GPR158: variants seen among roughly 807,000 people sequenced by gnomAD.
GPR158 encodes metabotropic glycine receptor.
Under a neutral mutation model 78.2 loss-of-function variants are expected in GPR158, and 30 were observed. The observed-to-expected ratio is 0.38, with a 90% CI of 0.29 to 0.52. The LOEUF is 0.52. Ranked by LOEUF, GPR158 falls within the 20% of genes least tolerant of loss-of-function variation. The pLI is 0.83. For missense variants in GPR158, 1,463 were observed against 1,523.5 expected (o/e 0.96, Z 0.66); for synonymous variants, 581 against 591.1 (o/e 0.98, Z 0.25).
intron 2 of GPR158, among the ~76,000 whole-genome samples, chr10:25,370,311 A>G (rs1833968496): frequency 6.8e-6 from 1 of 147,792 alleles, no homozygotes; most frequent in African/African-American, 2.5e-5. Context: ...ATTTAGTGCT[A>G]TAAATTTCCC....
At chr10:25,368,381 T>C (rs1833930473) in intron 2 of GPR158, among the ~76,000 whole-genome samples, 1 of 151,772 alleles carries the variant, frequency 6.6e-6, no homozygotes, top group African/African-American at 2.4e-5. Context: ...CTATGAGAAA[T>C]TTGTAAGAAA....
chr10:25,263,908 G>C (rs1854004037), intron 2 of GPR158, among the ~76,000 whole-genome samples: 1 of 152,200 alleles, frequency 6.6e-6, no homozygotes, highest in Non-Finnish European at 1.5e-5. Flanking sequence ...CTGCACTCCA[G>C]CCTCAGCGAC....
intron 2 of GPR158, among the ~76,000 whole-genome samples, chr10:25,273,829 G>A (rs867848085): frequency 2.6e-4 from 39 of 151,812 alleles, no homozygotes; most frequent in African/African-American, 9.2e-4. Context: ...ATAGATGCGC[G>A]CCACCACACC....
intron 1 of GPR158, among the ~76,000 whole-genome samples, chr10:25,214,363 ATT>A (rs1853177478): frequency 6.6e-6 from 1 of 152,196 alleles, no homozygotes; most frequent in African/African-American, 2.4e-5. Flanking sequence ...TTTTAAAGCT[ATT>A]TTAAAATACT....
chr10:25,559,972 C>T (rs941364459), intron 6 of GPR158, among the ~76,000 whole-genome samples: 4 of 151,990 alleles, frequency 2.6e-5, no homozygotes, highest in Non-Finnish European at 5.9e-5. Context: ...TAGTGGTGTG[C>T]GAAGGGAAAA....
chr10:25,424,625 T>A (rs1278216100), intron 4 of GPR158, among the ~76,000 whole-genome samples: 139 of 151,476 alleles, frequency 9.2e-4, no homozygotes, highest in Non-Finnish European at 1.5e-3. Context: ...TCCCAGCACC[T>A]TTTATTAAAT....
At chr10:25,197,398 A>G (rs1463508347) in intron 1 of GPR158, among the ~76,000 whole-genome samples, 2 of 152,202 alleles carry the variant, frequency 1.3e-5, no homozygotes, top group African/African-American at 4.8e-5. Flanking sequence ...GGTGTCTAGC[A>G]TAATGTCTAT....
At chr10:25,386,426 G>A (rs1564441092) in intron 2 of GPR158, among the ~76,000 whole-genome samples, 1 of 151,880 alleles carries the variant, frequency 6.6e-6, no homozygotes, top group Admixed American at 6.6e-5. Context: ...CGGGTGCTTG[G>A]GATTCCATAT....
intron 4 of GPR158, among the ~76,000 whole-genome samples, chr10:25,419,729 G>T (rs1444699272): frequency 6.6e-6 from 1 of 151,962 alleles, no homozygotes; most frequent in African/African-American, 2.4e-5. Context: ...ATCTCATTGT[G>T]GGTTTGACTT....
In GPR158 at chr10:25,405,472, C is replaced by CAAAATCTG. The variant is rs1834499614; in HGVS notation, c.1112-6776_1112-6769dup. Among the ~76,000 whole-genome samples the CAAAATCTG allele has an allele frequency of 3.6e-5, 4 of 112,004 alleles. 1 individual carries two copies. Among genetic ancestry groups the CAAAATCTG allele is most frequent in the African/African-American group, 1.3e-4 (4 of 29,794 alleles). The allele number at this position is 112,004 out of a possible 152,430, so 73.5% of individuals were successfully genotyped here. The stretch of plus-strand genomic sequence containing the variant: ...TTCTGTAATTATTAGTTGAATTTGG[C>CAAAATCTG]AAAATCTGACAAGAGAAACAATTTC... On this transcript the variant is annotated intron_variant, in intron 3 of 10. Coordinates refer to ENST00000376351, the MANE Select transcript of GPR158 (RefSeq NM_020752.3).
At chr10:25,181,865 G>A (rs1171185608) in intron 1 of GPR158, among the ~76,000 whole-genome samples, 4 of 151,934 alleles carry the variant, frequency 2.6e-5, no homozygotes, top group African/African-American at 9.7e-5. Flanking sequence ...CTACAGGCCC[G>A]AGCCACCATG....
At chr10:25,237,279 T>C (rs984553886) in intron 2 of GPR158, among the ~76,000 whole-genome samples, 3 of 152,232 alleles carry the variant, frequency 2.0e-5, no homozygotes, top group Non-Finnish European at 2.9e-5. Context: ...TTCATGGAAC[T>C]CTTCCTGGTA....
intron 2 of GPR158, among the ~76,000 whole-genome samples, chr10:25,382,971 G>T (rs1272215194): frequency 6.6e-6 from 1 of 152,016 alleles, no homozygotes; most frequent in African/African-American, 2.4e-5. Flanking sequence ...GAGTAGCTGG[G>T]ATTACAGGTG....
In GPR158 at chr10:25,486,572, C is replaced by T. The variant is rs536306749; in HGVS notation, c.1404+19853C>T. Among the ~76,000 whole-genome samples the T allele has an allele frequency of 9.2e-5, 14 of 152,242 alleles. No homozygotes were observed. The South Asian group carries it at 2.9e-3, about 32-fold the overall frequency. On this transcript the variant is annotated intron_variant, in intron 5 of 10. Coordinates refer to ENST00000376351, the MANE Select transcript of GPR158 (RefSeq NM_020752.3). ...GCATATCCTCAGCAGGTGTAAGCAT[C>T]ACCCAGGATTGCTAAAACGTGGTTT...
At chr10:25,328,474 A>C (rs1055873123) in intron 2 of GPR158, among the ~76,000 whole-genome samples, 1 of 152,094 alleles carries the variant, frequency 6.6e-6, no homozygotes, top group African/African-American at 2.4e-5. Context: ...CATTATGTAA[A>C]TATTTGGTAC....
At chr10:25,212,552 T>C (rs573389034) in intron 1 of GPR158, among the ~76,000 whole-genome samples, 1 of 152,098 alleles carries the variant, frequency 6.6e-6, no homozygotes, top group African/African-American at 2.4e-5. Flanking sequence ...TCATTTATTG[T>C]TCTTCATTAA....
intron 2 of GPR158, among the ~76,000 whole-genome samples, chr10:25,222,367 A>G (rs1761279672): frequency 7.3e-6 from 1 of 136,608 alleles, no homozygotes; most frequent in African/African-American, 2.8e-5. Flanking sequence ...CTCTAAATCT[A>G]TCACATCTCT....
intron 2 of GPR158, among the ~76,000 whole-genome samples, chr10:25,381,116 G>A (rs951429732): frequency 6.6e-6 from 1 of 152,200 alleles, no homozygotes; most frequent in Non-Finnish European, 1.5e-5. Context: ...GGCAAAAGAA[G>A]TAGGAGGAGA....
At chr10:25,333,997 A>G (rs1855163011) in intron 2 of GPR158, among the ~76,000 whole-genome samples, 3 of 152,100 alleles carry the variant, frequency 2.0e-5, no homozygotes, top group African/African-American at 7.2e-5. Context: ...ATATTGCTTT[A>G]TTTTGTAAAC....
Sources: gnomAD v4.1 joint callset for allele counts (sites outside exome capture counted in the v4.1 genomes callset) on GRCh38, gnomAD v4.1.1 for gene constraint, MANE v1.5 for transcripts, NCBI Gene and HGNC (gene_info 2026-07-23, HGNC 2026-07-21) for gene names.